Variants in ALMS1 observed in about 807,000 individuals in gnomAD.
The protein encoded by ALMS1 is centrosome-associated protein ALMS1.
In ALMS1, 271 loss-of-function variants were observed where a neutral mutation model predicts 352.2. The observed-to-expected ratio is 0.77, with a 90% confidence interval of 0.70 to 0.85. The LOEUF (loss-of-function observed/expected upper bound fraction) is 0.85, where lower values mean the gene tolerates loss of function less well. ALMS1 is among the 40% of genes least tolerant of loss of function. The probability of loss-of-function intolerance (pLI) is 0.00; values close to 1 mark genes in which losing one functional copy is unlikely to be tolerated. For missense variants in ALMS1, 5,445 were observed against 4,870.7 expected, an observed-to-expected ratio of 1.12 and a Z score of -3.51; for synonymous variants, 1,865 against 1,761.2, an observed-to-expected ratio of 1.06 and a Z score of -1.48.
chr2:73,434,580 A>G (rs979441269), intron 7 of ALMS1, among the ~76,000 whole-genome samples: 3 of 152,190 alleles, frequency 2.0e-5, no homozygotes, highest in South Asian at 2.1e-4. Flanking sequence ...GGTGTGTTCT[A>G]TAGATGTCTT....
rs1345034279 is a variant in ALMS1 at position 73,409,827 on chromosome 2, C to T, written c.450+1080C>T. On this transcript the variant is annotated intron_variant, in intron 2 of 22. Coordinates refer to ENST00000613296, the MANE Select transcript of ALMS1 (RefSeq NM_001378454.1). The stretch of plus-strand genomic sequence containing the variant: ...GAAGACTGAGAAGTCCCAAGATCTG[C>T]AAGCTGGAGCCCCAGGAGGGCTGAT... Among the ~76,000 whole-genome samples, 3 of 152,268 alleles carry T rather than the reference C, an allele frequency of 2.0e-5. No homozygotes were observed. In the East Asian group the frequency reaches 5.8e-4, roughly 29 times the overall value.
At chr2:73,486,002 C>G (rs1383908260) in intron 9 of ALMS1, among the ~76,000 whole-genome samples, 1 of 152,008 alleles carries the variant, frequency 6.6e-6, no homozygotes, top group Non-Finnish European at 1.5e-5. Flanking sequence ...GAACCCAGTA[C>G]CTCAGATGGA....
chr2:73,497,212 A>C (rs1673128279), intron 10 of ALMS1, among the ~76,000 whole-genome samples: 1 of 152,146 alleles, frequency 6.6e-6, no homozygotes, highest in African/African-American at 2.4e-5. Context: ...ATGTAAGAAC[A>C]ATGTGTTATT....
chr2:73,519,960 T>C lies in ALMS1; in HGVS notation c.9725T>C (p.Val3242Ala). 1 of 1,614,104 alleles carries C rather than the reference T, an allele frequency of 6.2e-7. No individual in the cohort carries two copies. Among genetic ancestry groups the C allele is most frequent in the Non-Finnish European group, 8.5e-7 (1 of 1,179,958 alleles). Residue 3242 changes from valine to alanine, a missense_variant, in exon 11 of 23, where the codon GTC becomes GCC. Coordinates refer to ENST00000613296, the MANE Select transcript of ALMS1 (RefSeq NM_001378454.1). ...PGNQKLRKAP[V>A]KFASSSSVQQ... ...AACCAGAAGCTACGCAAAGCTCCTG[T>C]CAAGTTTGCCTCATCATCTTCAGTC...
At position 73,430,757 on chromosome 2, in the gene ALMS1, T is replaced by C. The variant is rs192782020; in HGVS notation, c.1339-1441T>C. 1.2e-4 allele frequency among the ~76,000 whole-genome samples: 19 copies of C among 152,306 alleles called. No individual in the cohort carries two copies. In the East Asian group the frequency reaches 2.5e-3, roughly 20 times the overall value. On this transcript the variant is annotated intron_variant, in intron 6 of 22. Transcript: ENST00000613296. ...TAGGCTAGACCATATAGCCTAGGTG[T>C]GTAGTAGGCTACACAGTTGTAGGTT... is the stretch of plus-strand genomic sequence containing the variant.
chr2:73,510,907 C>T (rs1298330791), intron 10 of ALMS1, among the ~76,000 whole-genome samples: 7 of 152,274 alleles, frequency 4.6e-5, no homozygotes, highest in Middle Eastern at 3.4e-3. Flanking sequence ...TCAGAGATGC[C>T]CTGCCCAGAG....
intron 9 of ALMS1, among the ~76,000 whole-genome samples, chr2:73,476,917 T>C (rs1035067906): frequency 2.6e-5 from 4 of 152,154 alleles, no homozygotes; most frequent in Admixed American, 2.0e-4. Context: ...CAAACTGATA[T>C]AAGTTAATTG....
chr2:73,481,868 GCTCT>G lies in ALMS1; in HGVS notation c.7675-7763_7675-7760del, dbSNP rs1672713023. 6.0e-5 allele frequency among the ~76,000 whole-genome samples: 9 copies of G among 151,000 alleles called. No individual in the cohort carries two copies. In the South Asian group the frequency reaches 1.7e-3, roughly 28 times the overall value. On this transcript the variant is annotated intron_variant, in intron 9 of 22. Coordinates refer to ENST00000613296, the MANE Select transcript of ALMS1 (RefSeq NM_001378454.1). ...TGAATGGGAGTTCACTCATGATTTGGCTCTCTGTTTGTCTGTTGTTGGTGTATAA... is the reference window on the plus strand; with the variant it reads ...TGAATGGGAGTTCACTCATGATTTGGCTGTTTGTCTGTTGTTGGTGTATAA...
chr2:73,473,527 TAAA>T, intron 9 of ALMS1, among the ~76,000 whole-genome samples: 1 of 151,894 alleles, frequency 6.6e-6, no homozygotes, highest in Non-Finnish European at 1.5e-5. Flanking sequence ...TGCAAAGAAG[TAAA>T]AAAGTGTGAC....
chr2:73,578,276 G>A (rs1171669845), intron 16 of ALMS1, among the ~76,000 whole-genome samples: 1 of 152,082 alleles, frequency 6.6e-6, no homozygotes. Flanking sequence ...GTCTTTGGAT[G>A]TAAAGTAAGT....
In ALMS1 at chr2:73,571,010, A is replaced by G. The variant is rs147125248; in HGVS notation, c.10385-1252A>G. ...TGTAGCCCCTAATTTAGAATTATAT[A>G]TTTGTTTGCATTTGTTCAGTGCAGA... On this transcript the variant is annotated intron_variant, in intron 15 of 22. Transcript: ENST00000613296. Among the ~76,000 whole-genome samples the G allele has an allele frequency of 5.3e-3, 803 of 152,202 alleles. 7 individuals are homozygous for G. Among genetic ancestry groups the G allele is most frequent in the African/African-American group, 0.017 (726 of 41,526 alleles).
intron 12 of ALMS1, among the ~76,000 whole-genome samples, chr2:73,544,361 G>C (rs753548768): frequency 6.6e-6 from 1 of 152,150 alleles, no homozygotes; most frequent in Non-Finnish European, 1.5e-5. Context: ...ACTGGGGCCT[G>C]TTGTGGGGTG....
chr2:73,455,378 G>C, intron 9 of ALMS1, 83 bp downstream of exon 9: 2 of 1,561,040 alleles, frequency 1.3e-6, no homozygotes, highest in Middle Eastern at 1.7e-4. Context: ...GGCATCAGTT[G>C]AGTTGCTGAT....
intron 12 of ALMS1, among the ~76,000 whole-genome samples, chr2:73,542,542 G>A (rs951811522): frequency 6.6e-6 from 1 of 152,064 alleles, no homozygotes; most frequent in African/African-American, 2.4e-5. Context: ...GGAAATAAAG[G>A]GTATTCAATT....
In ALMS1 at chr2:73,385,987, T is replaced by C. The variant is rs1442557367; in HGVS notation, c.119T>C (p.Val40Ala). ...AAAAAANVDD[V>A]VVVEEVEEEA... ...GCGGCGGCGGCGAACGTGGACGACG[T>C]AGTGGTCGTGGAGGAGGTGGAGGAA... The change falls in exon 1 of 23, where the codon GTA becomes GCA. Residue 40 changes from valine to alanine, a missense_variant. Coordinates refer to ENST00000613296, the MANE Select transcript of ALMS1 (RefSeq NM_001378454.1). 1.3e-6 allele frequency: 2 copies of C among 1,548,410 alleles called. No homozygotes were observed. Among genetic ancestry groups the C allele is most frequent in the Non-Finnish European group, 1.7e-6 (2 of 1,145,020 alleles).
rs905030983 is a variant in ALMS1 at position 73,525,174 on chromosome 2, A to G, written c.9781+5158A>G. ...AATAGATTAATTTATCCATTAATCT[A>G]TTGATGGACACTTAGGTTGCTTCTA... is the stretch of plus-strand genomic sequence containing the variant. On this transcript the variant is annotated intron_variant, in intron 11 of 22. Coordinates refer to ENST00000613296, the MANE Select transcript of ALMS1 (RefSeq NM_001378454.1). Among the ~76,000 whole-genome samples the G allele has an allele frequency of 3.3e-5, 5 of 152,152 alleles. 1 individual carries two copies. Among genetic ancestry groups the G allele is most frequent in the East Asian group, 1.9e-4 (1 of 5,202 alleles).
At chr2:73,436,199 T>C (rs1671601217) in intron 7 of ALMS1, among the ~76,000 whole-genome samples, 1 of 152,270 alleles carries the variant, frequency 6.6e-6, no homozygotes, top group South Asian at 2.1e-4. Context: ...ACTTTGAATA[T>C]GTCTCTTCAC....
intron 15 of ALMS1, among the ~76,000 whole-genome samples, chr2:73,571,245 T>TC (rs1182034490): frequency 1.3e-5 from 2 of 152,174 alleles, no homozygotes; most frequent in African/African-American, 4.8e-5. Context: ...GTGAAAAGGA[T>TC]CCCATCATTG....
chr2:73,407,721 C>T (rs1670999029), intron 1 of ALMS1, among the ~76,000 whole-genome samples: 1 of 152,016 alleles, frequency 6.6e-6, no homozygotes, highest in South Asian at 2.1e-4. Flanking sequence ...TCATGCCCAG[C>T]TAATTCTTGT....
Sources: gnomAD v4.1 joint callset for allele counts (sites outside exome capture counted in the v4.1 genomes callset) on GRCh38, gnomAD v4.1.1 for gene constraint, MANE v1.5 for transcripts, NCBI Gene and HGNC (gene_info 2026-07-23, HGNC 2026-07-21) for gene names.